The following HPSE2 variants were observed in gnomAD, a reference collection of about 807,000 sequenced individuals.
HPSE2 encodes the protein heparanase 2 (inactive), also known as inactive heparanase-2.
A neutral mutation model predicts 60.5 loss-of-function variants in HPSE2; 38 were observed. The observed-to-expected ratio is 0.63, with a 90% CI of 0.48 to 0.82. The LOEUF is 0.82. Among genes scored for constraint, HPSE2 ranks in the 40% least tolerant of loss-of-function variants. The pLI is 0.00. For synonymous variants in HPSE2, 295 were observed against 293.2 expected, an observed-to-expected ratio of 1.01 and a Z score of -0.06; for missense variants, 713 against 740.4, an observed-to-expected ratio of 0.96 and a Z score of 0.43.
At chr10:98,767,630 T>C (rs979664595) in intron 3 of HPSE2, among the ~76,000 whole-genome samples, 2 of 146,348 alleles carry the variant, frequency 1.4e-5, no homozygotes, top group Non-Finnish European at 3.0e-5. Context: ...TGTTAATATG[T>C]AATATTTATT....
chr10:98,835,063 G>A (rs1345065144), intron 3 of HPSE2, among the ~76,000 whole-genome samples: 1 of 152,016 alleles, frequency 6.6e-6, no homozygotes, highest in African/African-American at 2.4e-5. Context: ...GCGGGGGAAG[G>A]GGGTGGTCTT....
intron 4 of HPSE2, among the ~76,000 whole-genome samples, chr10:98,727,617 T>C (rs983364868): frequency 5.3e-5 from 8 of 151,476 alleles, no homozygotes; most frequent in East Asian, 2.0e-4. Context: ...GATTGCACCA[T>C]TGCACTCCAG....
At chr10:98,572,282 ACTT>A (rs1262681982) in intron 9 of HPSE2, among the ~76,000 whole-genome samples, 1 of 152,112 alleles carries the variant, frequency 6.6e-6, no homozygotes, top group Non-Finnish European at 1.5e-5. Context: ...TCAAAACAAA[ACTT>A]CTTTCTAAAT....
At chr10:98,763,525 GTTCTC>G (rs10595143) in intron 3 of HPSE2, among the ~76,000 whole-genome samples, 104,259 of 150,974 alleles carry the variant, frequency 0.69, 37,063 homozygotes, top group Non-Finnish European at 0.8. Context: ...CTTCTCATGT[GTTCTC>G]TTCTCTGGAA....
chr10:98,954,711 A>G (rs1955459038), intron 3 of HPSE2, among the ~76,000 whole-genome samples: 1 of 152,148 alleles, frequency 6.6e-6, no homozygotes, highest in Non-Finnish European at 1.5e-5. Context: ...GAAGAAATAA[A>G]TTGAATGAAA....
At chr10:99,183,633 G>A (rs970463317) in intron 2 of HPSE2, among the ~76,000 whole-genome samples, 2 of 152,126 alleles carry the variant, frequency 1.3e-5, no homozygotes, top group Non-Finnish European at 2.9e-5. Context: ...TTGATGCTGA[G>A]CTCCCATCTC....
At chr10:98,638,010 T>G (rs1263281919) in intron 7 of HPSE2, among the ~76,000 whole-genome samples, 1 of 151,566 alleles carries the variant, frequency 6.6e-6, no homozygotes, top group Non-Finnish European at 1.5e-5. Context: ...TGTGGTGGCA[T>G]GAGCCTGTAG....
chr10:99,294,035 T>C, the HPSE2 span, among the ~76,000 whole-genome samples: 1 of 152,196 alleles, frequency 6.6e-6, no homozygotes, highest in Non-Finnish European at 1.5e-5. Flanking sequence ...CTTCACCTGC[T>C]ACTAAACCTA....
chr10:99,175,470 TG>T (rs1448485222), intron 2 of HPSE2, among the ~76,000 whole-genome samples: 1 of 152,188 alleles, frequency 6.6e-6, no homozygotes, highest in African/African-American at 2.4e-5. Flanking sequence ...CTTGAGTAGG[TG>T]GTTTTCCCCT....
At chr10:98,809,394 A>G (rs948118467) in intron 3 of HPSE2, among the ~76,000 whole-genome samples, 3 of 152,136 alleles carry the variant, frequency 2.0e-5, no homozygotes, top group Non-Finnish European at 4.4e-5. Context: ...TAACTACTAG[A>G]AACAATTAAG....
rs533136303 is a variant in HPSE2, at chr10:98,978,033, C to T, written c.610+166205G>A. ...GTTTTTCAAATGGAGAAAACAAACTCGGAGACAATAAATATAATGCCCAAA... is the reference window on the plus strand; with the variant it reads ...GTTTTTCAAATGGAGAAAACAAACTTGGAGACAATAAATATAATGCCCAAA... On this transcript the variant is annotated intron_variant, in intron 3 of 11. Coordinates refer to ENST00000370552, the MANE Select transcript of HPSE2 (RefSeq NM_021828.5). Among the ~76,000 whole-genome samples, 23 of 151,904 alleles carry T rather than the reference C, an allele frequency of 1.5e-4. No individual in the cohort carries two copies. In the South Asian group the frequency reaches 4.4e-3, roughly 29 times the overall value.
At chr10:98,886,765 A>G (rs1953178327) in intron 3 of HPSE2, among the ~76,000 whole-genome samples, 1 of 152,176 alleles carries the variant, frequency 6.6e-6, no homozygotes, top group African/African-American at 2.4e-5. Flanking sequence ...ACAAGAACAG[A>G]GTAAATGTCT....
Position 98,815,928 on chromosome 10 carries a change from C to T in HPSE2, c.611-71872G>A, listed in dbSNP as rs1323813566. On this transcript the variant is annotated intron_variant, in intron 3 of 11. Transcript: ENST00000370552. ...CATTCTCAGCAAACTATCGCAAGGA[C>T]GAAAAACCAAACACCGCATGTTCTC... Among the ~76,000 whole-genome samples the T allele has an allele frequency of 4.7e-5, 7 of 149,314 alleles. No individual in the cohort carries two copies. In the South Asian group the frequency reaches 1.3e-3, roughly 27 times the overall value.
intron 3 of HPSE2, among the ~76,000 whole-genome samples, chr10:98,818,173 T>C (rs1193453158): frequency 6.6e-6 from 1 of 152,198 alleles, no homozygotes; most frequent in African/African-American, 2.4e-5. Context: ...TGTACATGTA[T>C]GCCCATCAGA....
chr10:98,602,793 A>G (rs1565004921), intron 9 of HPSE2, among the ~76,000 whole-genome samples: 1 of 152,226 alleles, frequency 6.6e-6, no homozygotes, highest in East Asian at 1.9e-4. Flanking sequence ...CATATCATGT[A>G]CAAAAATTAA....
At chr10:98,641,826 T>G (rs1669981635) in intron 7 of HPSE2, 21 bp downstream of exon 7, 4 of 1,571,444 alleles carry the variant, frequency 2.5e-6, no homozygotes, top group Non-Finnish European at 3.5e-6. Flanking sequence ...CTCCTTTTCT[T>G]CCCAGGATAC....
At chr10:98,988,371 C>A (rs1435060531) in intron 3 of HPSE2, among the ~76,000 whole-genome samples, 10 of 152,298 alleles carry the variant, frequency 6.6e-5, no homozygotes, top group African/African-American at 1.9e-4. Context: ...CTTTGACAAA[C>A]CTGAGAAAAA....
intron 3 of HPSE2, among the ~76,000 whole-genome samples, chr10:98,976,520 C>G (rs1956088832): frequency 6.6e-6 from 1 of 152,040 alleles, no homozygotes. Context: ...GGGATGGGAG[C>G]TGCATATTAA....
chr10:98,620,636 T>C lies in HPSE2; in HGVS notation c.1171A>G (p.Asn391Asp), dbSNP rs777003298. The C allele has an allele frequency of 9.3e-6, 15 of 1,614,112 alleles. No individual in the cohort carries two copies. The Admixed American group carries it at 2.2e-4, about 23-fold the overall frequency. The change falls in exon 8 of 12, where the codon AAC becomes GAC. Residue 391 changes from asparagine (N) to aspartate (D), a missense_variant. By Grantham distance (23) the Asn-to-Asp change is conservative (BLOSUM62 1). Transcript: ENST00000370552. ...GVVTTSAGGT[N>D]NLSDSYAAGF... ...GCAGCATAGGAATCGGATAGATTGT[T>C]TGTGCCTCCAGCTGAGGTGGTCACC...
Sources: allele counts gnomAD v4.1 joint callset (sites outside exome capture counted in the v4.1 genomes callset), GRCh38; gene constraint gnomAD v4.1.1; transcripts MANE v1.5; gene names NCBI Gene and HGNC (gene_info 2026-07-23, HGNC 2026-07-21).